Variants in DPP6 observed in about 807,000 individuals in gnomAD.
The protein encoded by DPP6 is dipeptidyl peptidase like 6.
A neutral mutation model predicts 122.6 loss-of-function variants in DPP6; 69 were observed. The ratio of observed to expected loss-of-function variants is 0.56; its 90% confidence interval spans 0.46 to 0.69. The LOEUF (loss-of-function observed/expected upper bound fraction) is 0.69. DPP6 is among the 30% of genes least tolerant of loss of function. The probability of loss-of-function intolerance (pLI) is 0.00; values close to 1 mark genes in which losing one functional copy is unlikely to be tolerated. For synonymous variants in DPP6, 418 were observed against 433.1 expected (o/e 0.97, Z 0.43); for missense variants, 928 against 1,116.9 (o/e 0.83, Z 2.41).
chr7:154,051,465 G>A (rs1800311032), upstream of DPP6, among the ~76,000 whole-genome samples: 1 of 150,880 alleles, frequency 6.6e-6, no homozygotes, highest in South Asian at 2.1e-4. Context: ...GGGAAGAGAA[G>A]CCAGGCCGGG....
Position 154,606,892 on chromosome 7 carries a change from T to C in DPP6, c.628-30929T>C, listed in dbSNP as rs1311001716. 1.6e-5 allele frequency among the ~76,000 whole-genome samples: 2 copies of C among 121,648 alleles called. 1 individual carries two copies. Among genetic ancestry groups the C allele is most frequent in the East Asian group, 7.0e-4 (2 of 2,840 alleles). 79.8% of individuals were successfully genotyped at this position (121,648 alleles called of 152,430 possible). On this transcript the variant is annotated intron_variant, in intron 5 of 25. Transcript: ENST00000377770. ...CACACACATACTTATAGACTGTACA[T>C]GGCAGCATTCACAGTCCAGAAAAAT... is the stretch of plus-strand genomic sequence containing the variant.
intron 1 of DPP6, among the ~76,000 whole-genome samples, chr7:154,011,899 GAGAACAGACATTA>G (rs1798170783): frequency 6.6e-6 from 1 of 152,182 alleles, no homozygotes; most frequent in African/African-American, 2.4e-5. Context: ...TAGTAAGCTG[GAGAACAGACATTA>G]AGACCTGTAA....
chr7:154,076,343 G>A lies in DPP6; in HGVS notation c.243+23280G>A, dbSNP rs1165203997. 7.9e-5 allele frequency among the ~76,000 whole-genome samples: 12 copies of A among 151,942 alleles called. No individual in the cohort carries two copies. The South Asian group carries it at 1.3e-3, about 16-fold the overall frequency. On this transcript the variant is annotated intron_variant, in intron 1 of 25. Transcript: ENST00000377770. ...CGGGTGCCTGTAATCCCAGCTACTC[G>A]GGAGGCTGAGGCAGGAGAATCTCTT...
chr7:153,998,294 TTCAA>T (rs1005533916), intron 1 of DPP6, among the ~76,000 whole-genome samples: 3 of 152,208 alleles, frequency 2.0e-5, no homozygotes, highest in Non-Finnish European at 2.9e-5. Context: ...TTCCTGAATA[TTCAA>T]TCAAATATTC....
intron 3 of DPP6, among the ~76,000 whole-genome samples, chr7:154,503,207 C>T (rs1825396520): frequency 6.6e-6 from 1 of 152,186 alleles, no homozygotes. Context: ...AAGTGACAGG[C>T]TTAGCCCTTT....
intron 1 of DPP6, among the ~76,000 whole-genome samples, chr7:153,894,330 C>G (rs952904254): frequency 6.6e-6 from 1 of 152,090 alleles, no homozygotes; most frequent in African/African-American, 2.4e-5. Context: ...GTTGTGGGAG[C>G]CAATTTTATT....
rs1378593553 is a variant in DPP6, at chr7:154,390,721, CCGT to C, written c.244-55491_244-55489del. ...ACGGGGCTTAGCTGGGCCATCGCCG[CCGT>C]CTTCTCTGGCACTGCCCCTGTGTTT... is the stretch of plus-strand genomic sequence containing the variant. On this transcript the variant is annotated intron_variant, in intron 1 of 25. Transcript: ENST00000377770. 8.5e-5 allele frequency among the ~76,000 whole-genome samples: 13 copies of C among 152,204 alleles called. No homozygotes were observed. In the South Asian group the frequency reaches 2.7e-3, roughly 32 times the overall value.
the DPP6 span, among the ~76,000 whole-genome samples, chr7:153,869,487 T>A: frequency 2.6e-5 from 4 of 152,218 alleles, no homozygotes; most frequent in African/African-American, 9.6e-5. Context: ...CTGCCTTTTT[T>A]TGTTTTCCAT....
chr7:154,818,607 G>A (rs1331815954), intron 16 of DPP6, among the ~76,000 whole-genome samples: 1 of 152,178 alleles, frequency 6.6e-6, no homozygotes, highest in Non-Finnish European at 1.5e-5. Flanking sequence ...CAGCAAATTT[G>A]AAAACAAATG....
chr7:154,199,526 A>G (rs1273116163), intron 1 of DPP6, among the ~76,000 whole-genome samples: 1 of 152,150 alleles, frequency 6.6e-6, no homozygotes, highest in Non-Finnish European at 1.5e-5. Context: ...TCCTTTAGAT[A>G]TTCATGAAGA....
intron 1 of DPP6, among the ~76,000 whole-genome samples, chr7:154,014,439 G>T (rs1585177205): frequency 2.0e-5 from 3 of 150,574 alleles, no homozygotes; most frequent in South Asian, 4.3e-4. Flanking sequence ...TGGATCACTT[G>T]AGGTCAGGAG....
the DPP6 span, among the ~76,000 whole-genome samples, chr7:153,861,579 G>T: frequency 6.6e-6 from 1 of 152,292 alleles, no homozygotes; most frequent in South Asian, 2.1e-4. Context: ...CCTCTACAAT[G>T]AGCTATGCAT....
intron 1 of DPP6, among the ~76,000 whole-genome samples, chr7:154,220,045 C>A (rs1433512090): frequency 6.6e-6 from 1 of 152,188 alleles, no homozygotes; most frequent in African/African-American, 2.4e-5. Flanking sequence ...TTGTACATTT[C>A]AAGAACTAGA....
chr7:154,510,816 AACTG>A (rs1826009080), intron 3 of DPP6, among the ~76,000 whole-genome samples: 1 of 152,062 alleles, frequency 6.6e-6, no homozygotes, highest in African/African-American at 2.4e-5. Context: ...TTATATACCT[AACTG>A]GGTGAATTTA....
intron 1 of DPP6, among the ~76,000 whole-genome samples, chr7:154,060,464 C>T (rs1261990223): frequency 7.3e-6 from 1 of 137,640 alleles, no homozygotes; most frequent in East Asian, 2.0e-4. Flanking sequence ...TCTTCCCCCT[C>T]TGGCTTAGGA....
At chr7:154,214,944 T>C (rs1799920998) in intron 1 of DPP6, among the ~76,000 whole-genome samples, 1 of 151,912 alleles carries the variant, frequency 6.6e-6, no homozygotes, top group Non-Finnish European at 1.5e-5. Context: ...CTTGCAGTGT[T>C]GTTGTAAGCC....
chr7:154,674,930 A>T (rs1838794240), intron 7 of DPP6, among the ~76,000 whole-genome samples: 1 of 152,200 alleles, frequency 6.6e-6, no homozygotes, highest in Admixed American at 6.5e-5. Flanking sequence ...GGTGGTGAAT[A>T]TCAGTGAGCA....
intron 1 of DPP6, among the ~76,000 whole-genome samples, chr7:154,283,057 A>G (rs1444306674): frequency 6.6e-6 from 1 of 152,116 alleles, no homozygotes; most frequent in Non-Finnish European, 1.5e-5. Flanking sequence ...TTCCTACCCC[A>G]CTGTGAAGCT....
intron 1 of DPP6, among the ~76,000 whole-genome samples, chr7:154,444,259 C>G (rs1340486181): frequency 2.6e-5 from 4 of 151,504 alleles, no homozygotes; most frequent in African/African-American, 9.7e-5. Context: ...AGATTAAGAC[C>G]ATTCTGGCTA....
Sources: gnomAD v4.1 joint callset for allele counts (sites outside exome capture counted in the v4.1 genomes callset) on GRCh38, gnomAD v4.1.1 for gene constraint, MANE v1.5 for transcripts, NCBI Gene and HGNC (gene_info 2026-07-23, HGNC 2026-07-21) for gene names.